CYP2C19: variants seen among roughly 807,000 people sequenced by gnomAD.
CYP2C19 encodes cytochrome P450 family 2 subfamily C member 19, also known as cytochrome P450 2C19.
In CYP2C19, 59 loss-of-function variants were observed where a neutral mutation model predicts 40.9. That is an observed-to-expected ratio of 1.44 (90% CI 1.17 to 1.79). The LOEUF is 1.79. Ranked by LOEUF, CYP2C19 falls within the 40% of genes most tolerant of loss-of-function variation. The pLI, the probability that CYP2C19 is intolerant of heterozygous loss-of-function variation, is 0.00. For missense variants in CYP2C19, 754 were observed against 596.9 expected (o/e 1.26, Z -2.74); for synonymous variants, 253 against 208.7 (o/e 1.21, Z -1.83).
In CYP2C19 at chr10:94,828,802, C is replaced by T. The variant is rs547337206; in HGVS notation, c.961+8165C>T. Among the ~76,000 whole-genome samples, 984 of 151,700 alleles carry T rather than the reference C, an allele frequency of 6.5e-3. 2 individuals are homozygous for T. Among genetic ancestry groups the T allele is most frequent in the Admixed American group, 8.2e-3 (125 of 15,270 alleles). ...GGCATGATTTTGCAGCGGCTGGTAC[C>T]GGTTGTTCCTTTCCATGATTAGTGC... On this transcript the variant is annotated intron_variant, in intron 6 of 8. Coordinates refer to ENST00000371321, the MANE Select transcript of CYP2C19 (RefSeq NM_000769.4).
At chr10:94,851,454 ATAAAT>A (rs1849652672) in intron 8 of CYP2C19, among the ~76,000 whole-genome samples, 1 of 67,326 alleles carries the variant, frequency 1.5e-5, no homozygotes, top group Non-Finnish European at 4.0e-5. Context: ...AAATAAATAA[ATAAAT>A]AAATAAATAA....
intron 5 of CYP2C19, among the ~76,000 whole-genome samples, chr10:94,788,706 C>A (rs1589352749): frequency 6.6e-6 from 1 of 152,158 alleles, no homozygotes; most frequent in Non-Finnish European, 1.5e-5. Flanking sequence ...ACATAGTATT[C>A]CATGATGTAC....
intron 1 of CYP2C19, among the ~76,000 whole-genome samples, chr10:94,765,855 GGGGTAGTA>G (rs1445156757): frequency 6.6e-6 from 1 of 152,098 alleles, no homozygotes; most frequent in Non-Finnish European, 1.5e-5. Flanking sequence ...TTACACTGAT[GGGGTAGTA>G]GGTGCCTCAG....
chr10:94,770,345 A>T (rs1309605335), intron 1 of CYP2C19, among the ~76,000 whole-genome samples: 1 of 152,072 alleles, frequency 6.6e-6, no homozygotes, highest in Non-Finnish European at 1.5e-5. Flanking sequence ...AATCTTTTTT[A>T]AAAATGTCCT....
Position 94,853,895 on chromosome 10 carries a change from T to C in CYP2C19, c.*981T>C, listed in dbSNP as rs1849693852. Among the ~76,000 whole-genome samples the C allele has an allele frequency of 6.6e-6, 1 of 152,174 alleles. No individual in the cohort carries two copies. The highest frequency in any genetic ancestry group is 2.4e-5 in the African/African-American group (1 of 41,444). On this transcript the variant is annotated 3_prime_UTR_variant, in exon 9 of 9. Transcript: ENST00000371321. ...CTTTATCTCTAAATAAAGAATCAGG[T>C]TACTTTTATTACTTCATGTTTCCAA...
At chr10:94,840,180 C>T (rs1849470496) in intron 6 of CYP2C19, among the ~76,000 whole-genome samples, 1 of 151,978 alleles carries the variant, frequency 6.6e-6, no homozygotes, top group Non-Finnish European at 1.5e-5. Flanking sequence ...TGGCAATTAC[C>T]AATTACAGGT....
At chr10:94,842,549 T>G (rs1469456791) in intron 6 of CYP2C19, among the ~76,000 whole-genome samples, 1 of 152,120 alleles carries the variant, frequency 6.6e-6, no homozygotes, top group Non-Finnish European at 1.5e-5. Context: ...TTACTGGTTG[T>G]TTTGTGGGCT....
At chr10:94,792,508 T>C (rs546088789) in intron 5 of CYP2C19, among the ~76,000 whole-genome samples, 2 of 152,290 alleles carry the variant, frequency 1.3e-5, no homozygotes, top group South Asian at 2.1e-4. Flanking sequence ...TTCCTTTCCA[T>C]GTTTAGCACC....
rs537516642 is a variant in CYP2C19, at chr10:94,792,761, A to G, written c.819+10764A>G. Among the ~76,000 whole-genome samples, 8 of 152,254 alleles carry G rather than the reference A, an allele frequency of 5.3e-5. No homozygotes were observed. In the East Asian group the frequency reaches 1.5e-3, roughly 29 times the overall value. On this transcript the variant is annotated intron_variant, in intron 5 of 8. Coordinates refer to ENST00000371321, the MANE Select transcript of CYP2C19 (RefSeq NM_000769.4). ...TGGGCTTCCCTTTGGGGGTAACCCA[A>G]CCTTTCTCTCTGGCTGCCCTAAATA...
chr10:94,790,463 T>C (rs895324399), intron 5 of CYP2C19, among the ~76,000 whole-genome samples: 3 of 152,204 alleles, frequency 2.0e-5, no homozygotes, highest in Admixed American at 1.3e-4. Context: ...GCCCATTCAG[T>C]ATGATATTGG....
intron 1 of CYP2C19, among the ~76,000 whole-genome samples, chr10:94,772,165 C>T (rs1848342339): frequency 6.6e-6 from 1 of 152,130 alleles, no homozygotes; most frequent in African/African-American, 2.4e-5. Context: ...TGCCTTTTGT[C>T]CTCATTTATA....
At chr10:94,800,538 G>C (rs758365823) in intron 5 of CYP2C19, among the ~76,000 whole-genome samples, 20 of 152,224 alleles carry the variant, frequency 1.3e-4, no homozygotes, top group Non-Finnish European at 2.2e-4. Context: ...CATGGTGGGA[G>C]AAGCACTGCT....
chr10:94,815,503 A>G (rs2134263282), intron 5 of CYP2C19, among the ~76,000 whole-genome samples: 1 of 152,216 alleles, frequency 6.6e-6, no homozygotes, highest in East Asian at 1.9e-4. Flanking sequence ...CAAACTAAGT[A>G]TTCCTCATCC....
At chr10:94,777,129 C>T (rs1231001359) in intron 3 of CYP2C19, among the ~76,000 whole-genome samples, 1 of 152,048 alleles carries the variant, frequency 6.6e-6, no homozygotes, top group African/African-American at 2.4e-5. Context: ...GAGCTACAAA[C>T]CACTGCTCAG....
chr10:94,826,732 G>A (rs1357301339), intron 6 of CYP2C19, among the ~76,000 whole-genome samples: 1 of 152,138 alleles, frequency 6.6e-6, no homozygotes, highest in Admixed American at 6.5e-5. Flanking sequence ...TCCCTGTCTT[G>A]TGCCAGTTTT....
rs868278153 is a variant in CYP2C19 at position 94,817,779 on chromosome 10, C to T, written c.820-2717C>T. Among the ~76,000 whole-genome samples, 39 of 150,990 alleles carry T rather than the reference C, an allele frequency of 2.6e-4. No homozygotes were observed. In the South Asian group the frequency reaches 4.6e-3, roughly 18 times the overall value. ...CTGTAATCCCGGCACTTTGGGAGGC[C>T]GAGGCGGGCGGATCACGAGGTCAGG... is the stretch of plus-strand genomic sequence containing the variant. On this transcript the variant is annotated intron_variant, in intron 5 of 8. Coordinates refer to ENST00000371321, the MANE Select transcript of CYP2C19 (RefSeq NM_000769.4).
chr10:94,775,872 C>G (rs17879729), intron 3 of CYP2C19: 1 of 365,574 alleles, frequency 2.7e-6, no homozygotes, highest in Non-Finnish European at 5.1e-6. Flanking sequence ...TTCCCATTAT[C>G]TATTCCAGAA....
At chr10:94,848,890 G>T (rs1213578282) in intron 7 of CYP2C19, among the ~76,000 whole-genome samples, 1 of 152,100 alleles carries the variant, frequency 6.6e-6, no homozygotes, top group Non-Finnish European at 1.5e-5. Flanking sequence ...TCTGTTATTG[G>T]TGTATAAGAA....
At chr10:94,779,107 C>T (rs1242009477) in intron 3 of CYP2C19, among the ~76,000 whole-genome samples, 1 of 151,836 alleles carries the variant, frequency 6.6e-6, no homozygotes, top group East Asian at 1.9e-4. Flanking sequence ...ACACCAGGGC[C>T]TGTTGAGGGG....
Sources: allele counts gnomAD v4.1 joint callset (sites outside exome capture counted in the v4.1 genomes callset), GRCh38; gene constraint gnomAD v4.1.1; transcripts MANE v1.5; gene names NCBI Gene and HGNC (gene_info 2026-07-23, HGNC 2026-07-21).